ADK: variants seen among roughly 807,000 people sequenced by gnomAD.
ADK encodes adenosine kinase.
ADK carries 24 observed loss-of-function variants against 44.7 expected under a neutral mutation model. That is an observed-to-expected ratio of 0.54 (90% CI 0.39 to 0.76). The LOEUF (loss-of-function observed/expected upper bound fraction) is 0.76. Among genes scored for constraint, ADK ranks in the 30% least tolerant of loss-of-function variants. The probability of loss-of-function intolerance (pLI) is 0.00; values close to 1 mark genes in which losing one functional copy is unlikely to be tolerated. For synonymous variants in ADK, 128 were observed against 142.6 expected, an observed-to-expected ratio of 0.90 and a Z score of 0.73; for missense variants, 321 against 425.1, an observed-to-expected ratio of 0.76 and a Z score of 2.15.
intron 4 of ADK, among the ~76,000 whole-genome samples, chr10:74,324,426 G>C (rs565499703): frequency 2.0e-5 from 3 of 152,268 alleles, no homozygotes; most frequent in African/African-American, 7.2e-5. Context: ...CCAAGCCTCT[G>C]ATAAACACCA....
intron 10 of ADK, among the ~76,000 whole-genome samples, chr10:74,681,955 TTTTTG>T (rs983441073): frequency 4.6e-5 from 7 of 152,280 alleles, no homozygotes; most frequent in African/African-American, 1.7e-4. Flanking sequence ...AAGGAGGGGT[TTTTTG>T]TTTTGTTTTG....
chr10:74,333,975 T>A (rs1841322393), intron 4 of ADK, among the ~76,000 whole-genome samples: 1 of 152,216 alleles, frequency 6.6e-6, no homozygotes, highest in South Asian at 2.1e-4. Context: ...TTTCAAAAAA[T>A]ACTTTTTTTC....
chr10:74,506,971 G>T (rs1284093390), intron 6 of ADK, among the ~76,000 whole-genome samples: 1 of 152,062 alleles, frequency 6.6e-6, no homozygotes, highest in East Asian at 1.9e-4. Flanking sequence ...CACACAAGTG[G>T]ATCCATGCAG....
At position 74,179,518 on chromosome 10, in the gene ADK, G is replaced by A. The variant is rs186518368; in HGVS notation, c.66-21246G>A. Among the ~76,000 whole-genome samples, 458 of 152,228 alleles carry A rather than the reference G, an allele frequency of 3.0e-3. 1 individual carries two copies. Among genetic ancestry groups the A allele is most frequent in the Non-Finnish European group, 4.5e-3 (307 of 68,026 alleles). ...AAGATGGTGATGAGAGTGACTTCTG[G>A]TCATCCTCACTGCTTATTATACACT... On this transcript the variant is annotated intron_variant, in intron 1 of 10. Coordinates refer to ENST00000539909, the MANE Select transcript of ADK (RefSeq NM_006721.4).
intron 6 of ADK, among the ~76,000 whole-genome samples, chr10:74,432,518 A>G (rs1394774651): frequency 3.3e-5 from 5 of 152,200 alleles, no homozygotes; most frequent in Non-Finnish European, 7.3e-5. Context: ...TCATTTATCT[A>G]TAATCATTTA....
intron 10 of ADK, among the ~76,000 whole-genome samples, chr10:74,681,344 T>G (rs1464292560): frequency 2.0e-5 from 3 of 152,164 alleles, no homozygotes; most frequent in Non-Finnish European, 2.9e-5. Flanking sequence ...CTCCCATTTG[T>G]CCCTATCCAC....
rs535028857 is a variant in ADK, at chr10:74,681,718, C to T, written c.964+11449C>T. 5.3e-5 allele frequency among the ~76,000 whole-genome samples: 8 copies of T among 152,116 alleles called. No individual in the cohort carries two copies. The East Asian group carries it at 9.7e-4, about 18-fold the overall frequency. Reference sequence around the variant, plus strand: ...ACAAAAAATTAGCCAAGCCTGATGGCGGGCACCTGTAATCCCAGCTACTTG... The same window carrying T: ...ACAAAAAATTAGCCAAGCCTGATGGTGGGCACCTGTAATCCCAGCTACTTG... On this transcript the variant is annotated intron_variant, in intron 10 of 10. Transcript: ENST00000539909.
intron 3 of ADK, among the ~76,000 whole-genome samples, chr10:74,294,522 G>A (rs1839742573): frequency 6.6e-6 from 1 of 152,114 alleles, no homozygotes; most frequent in Non-Finnish European, 1.5e-5. Flanking sequence ...CCTGACCTCA[G>A]GTGATCTGCC....
chr10:74,323,298 G>A (rs1840881471), intron 4 of ADK, among the ~76,000 whole-genome samples: 1 of 152,118 alleles, frequency 6.6e-6, no homozygotes, highest in African/African-American at 2.4e-5. Flanking sequence ...TTGTTAATTG[G>A]TTGACAAGGA....
chr10:74,192,652 G>A (rs1842992744), intron 1 of ADK, among the ~76,000 whole-genome samples: 1 of 151,928 alleles, frequency 6.6e-6, no homozygotes, highest in Non-Finnish European at 1.5e-5. Flanking sequence ...TCAGCTTCCT[G>A]AGGAACTAGG....
intron 10 of ADK, among the ~76,000 whole-genome samples, chr10:74,689,310 A>G (rs1855901156): frequency 1.3e-5 from 2 of 152,016 alleles, no homozygotes; most frequent in South Asian, 4.1e-4. Context: ...TGGAGAGAAT[A>G]CATGTGTTAG....
chr10:74,223,380 A>T (rs1024535599), intron 2 of ADK, among the ~76,000 whole-genome samples: 1 of 152,158 alleles, frequency 6.6e-6, no homozygotes, highest in Non-Finnish European at 1.5e-5. Flanking sequence ...CCCAGCTCTC[A>T]ATATTGCCCC....
At chr10:74,339,716 G>T (rs1841522765) in intron 4 of ADK, among the ~76,000 whole-genome samples, 1 of 152,118 alleles carries the variant, frequency 6.6e-6, no homozygotes, top group South Asian at 2.1e-4. Context: ...TCTTAAGTGT[G>T]CAAATAAATT....
chr10:74,455,611 G>A, intron 6 of ADK, among the ~76,000 whole-genome samples: 1 of 152,060 alleles, frequency 6.6e-6, no homozygotes, highest in East Asian at 1.9e-4. Context: ...CCTGGTTCAA[G>A]CAATTCTCCT....
At chr10:74,461,684 A>G (rs1018179321) in intron 6 of ADK, among the ~76,000 whole-genome samples, 2 of 152,086 alleles carry the variant, frequency 1.3e-5, no homozygotes, top group Non-Finnish European at 2.9e-5. Context: ...AGCTAGATTT[A>G]TCTTTACAGG....
intron 9 of ADK, among the ~76,000 whole-genome samples, chr10:74,622,216 G>A (rs1398589103): frequency 6.6e-6 from 1 of 152,066 alleles, no homozygotes; most frequent in Non-Finnish European, 1.5e-5. Context: ...ACCCACTAGA[G>A]ATTGCAAAAA....
intron 2 of ADK, among the ~76,000 whole-genome samples, chr10:74,206,278 G>A (rs991152061): frequency 6.6e-6 from 1 of 152,176 alleles, no homozygotes; most frequent in Non-Finnish European, 1.5e-5. Flanking sequence ...GGTGGTCTTT[G>A]CTATGTCTGA....
At chr10:74,303,588 GTTTTTTTTTTT>G (rs1185036462) in intron 3 of ADK, among the ~76,000 whole-genome samples, 5 of 68,576 alleles carry the variant, frequency 7.3e-5, no homozygotes, top group East Asian at 4.6e-4. Flanking sequence ...TTTTAATGTT[GTTTTTTTTTTT>G]TTTTTTTTTT....
At chr10:74,631,466 A>C (rs1038252762) in intron 9 of ADK, among the ~76,000 whole-genome samples, 9 of 150,930 alleles carry the variant, frequency 6.0e-5, no homozygotes, top group African/African-American at 2.2e-4. Flanking sequence ...CATGTTGGTC[A>C]GGAATGGTCT....
Sources: gnomAD v4.1 joint callset for allele counts (sites outside exome capture counted in the v4.1 genomes callset) on GRCh38, gnomAD v4.1.1 for gene constraint, MANE v1.5 for transcripts, NCBI Gene and HGNC (gene_info 2026-07-23, HGNC 2026-07-21) for gene names.